The following GPR132 variants were observed in gnomAD, a reference collection of about 807,000 sequenced individuals.
The protein encoded by GPR132 is probable G protein-coupled receptor 132.
A neutral mutation model predicts 1.9 loss-of-function variants in GPR132; 4 were observed. The ratio of observed to expected loss-of-function variants is 2.13; its 90% CI spans 1.05 to 4.87. The LOEUF is 4.87. Among genes scored for constraint, GPR132 ranks in the 30% most tolerant of loss-of-function variants. GPR132 has a pLI of 0.01. For missense variants in GPR132, 404 were observed against 512.5 expected, an observed-to-expected ratio of 0.79 and a Z score of 2.04; for synonymous variants, 233 against 234.2, an observed-to-expected ratio of 0.99 and a Z score of 0.05.
chr14:105,057,507 G>C, intron 1 of GPR132: 2 of 181,830 alleles, frequency 1.1e-5, no homozygotes, highest in South Asian at 1.5e-4. Context: ...GACTACATAC[G>C]ATTCTTTTTT....
At position 105,060,981 on chromosome 14, in the gene GPR132, A is replaced by C. The variant is rs1886927068; in HGVS notation, c.-860-3701T>G. Reference sequence around the variant, plus strand: ...ACTAGCCAGGGGCAGAGCCGGAGCCACCTTCCCATCCAGCTGGTCCCATGC... The same window carrying C: ...ACTAGCCAGGGGCAGAGCCGGAGCCCCCTTCCCATCCAGCTGGTCCCATGC... On this transcript the variant is annotated intron_variant, in intron 1 of 3. Transcript: ENST00000329797. The surrounding 1 kb of genome is among the most constrained non-coding windows in gnomAD (Gnocchi z 6.3). Among the ~76,000 whole-genome samples, 1 of 152,242 alleles carries C rather than the reference A, an allele frequency of 6.6e-6. No individual in the cohort carries two copies. The highest frequency in any genetic ancestry group is 2.4e-5 in the African/African-American group (1 of 41,468).
intron 1 of GPR132, among the ~76,000 whole-genome samples, chr14:105,064,572 G>C (rs977703490): frequency 6.6e-6 from 1 of 152,078 alleles, no homozygotes; most frequent in African/African-American, 2.4e-5. Context: ...GACCTCAAGT[G>C]ATCCGCCCAC....
chr14:105,060,859 G>T lies in GPR132; in HGVS notation c.-860-3579C>A, dbSNP rs1173824872. Reference sequence around the variant, plus strand: ...TGCAAAACCAAAGGAAGTGGCAGCTGCAGTGGAAATGCACGCTCCCCTCCC... The same window carrying T: ...TGCAAAACCAAAGGAAGTGGCAGCTTCAGTGGAAATGCACGCTCCCCTCCC... On this transcript the variant is annotated intron_variant, in intron 1 of 3. Transcript: ENST00000329797. The surrounding 1 kb of genome is among the most constrained non-coding windows in gnomAD (Gnocchi z 6.3). Among the ~76,000 whole-genome samples, 1 of 152,246 alleles carries T rather than the reference G, an allele frequency of 6.6e-6. No homozygotes were observed. Among genetic ancestry groups the T allele is most frequent in the Admixed American group, 6.5e-5 (1 of 15,290 alleles).
chr14:105,051,099 C>A lies in GPR132; in HGVS notation c.1038G>T (p.Glu346Asp), dbSNP rs1274044926. The change falls in exon 4 of 4, where the codon GAG (glutamate) becomes GAT (aspartate). Residue 346 changes from glutamate (E) to aspartate (D), a missense_variant. By Grantham distance (45) the Glu-to-Asp change is conservative (BLOSUM62 2). Transcript: ENST00000329797. This position sits in a 1 kb window ranked among gnomAD's most constrained non-coding sequence, Gnocchi z 8.0. Reference sequence around the variant, plus strand: ...CTGCAAGGGCCACGGGCGACTGCAGCTCCTCGGTGTCCCTGCTGTGGGTGA... The same window carrying A: ...CTGCAAGGGCCACGGGCGACTGCAGATCCTCGGTGTCCCTGCTGTGGGTGA... ...TRLTHSRDTE[E>D]LQSPVALADH... is the part of the protein sequence containing the mutation. 2 of 1,614,062 alleles carry A rather than the reference C, an allele frequency of 1.2e-6. No individual in the cohort carries two copies. The highest frequency in any genetic ancestry group is 4.5e-5 in the East Asian group (2 of 44,902).
chr14:105,063,094 T>A (rs1886992054), intron 1 of GPR132, among the ~76,000 whole-genome samples: 1 of 152,150 alleles, frequency 6.6e-6, no homozygotes, highest in African/African-American at 2.4e-5. Context: ...ATTTTTGTAC[T>A]TTTATTCTTA....
At chr14:105,053,895 C>T in intron 3 of GPR132, 1 of 1,114,024 alleles carries the variant, frequency 9.0e-7, no homozygotes, top group Non-Finnish European at 1.1e-6. Flanking sequence ...TGGGAGAGGG[C>T]AAAAGAAAAG....
In GPR132 at chr14:105,051,351, G is replaced by A. The variant is rs1306346135; in HGVS notation, c.786C>T (p.Leu262=). 5.6e-6 allele frequency: 9 copies of A among 1,613,940 alleles called. No individual in the cohort carries two copies. In the African/African-American group the frequency reaches 9.3e-5, roughly 17 times the overall value. The change falls in exon 4 of 4, where the codon CTC becomes CTT. Residue 262 remains leucine, a synonymous_variant. Coordinates refer to ENST00000329797, the MANE Select transcript of GPR132 (RefSeq NM_013345.4). The surrounding 1 kb of genome is among the most constrained non-coding windows in gnomAD (Gnocchi z 8.0). ...AGGAAAAGGCAGCGGCTTTGACGAG[G>A]AGAACCAGGTGGTACGGGGCGAAGC... ...LVCFAPYHLV[L]LVKAAAFSYY...
intron 1 of GPR132, among the ~76,000 whole-genome samples, chr14:105,062,540 C>CTTTTTTTTTTTTTTTTT (rs59869492): frequency 2.3e-5 from 3 of 128,684 alleles, no homozygotes; most frequent in Non-Finnish European, 3.3e-5. Flanking sequence ...CTTTTCTTTT[C>CTTTTTTTTTTTTTTTTT]TTTTTTTTTT....
intron 3 of GPR132, chr14:105,053,798 G>T: frequency 2.7e-6 from 1 of 374,256 alleles, no homozygotes; most frequent in Non-Finnish European, 3.8e-6. Context: ...CAAGTTGAAT[G>T]AAGGTTGCTA....
At position 105,050,649 on chromosome 14, in the gene GPR132, G is replaced by C. The variant is rs2140925443; in HGVS notation, c.*345C>G. 1 of 358,450 alleles carries C rather than the reference G, an allele frequency of 2.8e-6. No homozygotes were observed. The highest frequency in any genetic ancestry group is 5.2e-5 in the East Asian group (1 of 19,392). 22.2% of individuals were successfully genotyped at this position (358,450 alleles called of 1,614,324 possible). A position where few individuals can be genotyped will look rare whatever the true frequency, so the allele number is the denominator to read the frequency against. On this transcript the variant is annotated 3_prime_UTR_variant, in exon 4 of 4. Transcript: ENST00000329797. The surrounding 1 kb of genome is among the most constrained non-coding windows in gnomAD (Gnocchi z 4.0). ...CGCAAATAAAGTCATCGCCACTGAT[G>C]CGAACAGGGCAGCCACCAGGTACCT...
At chr14:105,062,583 C>T (rs1886976016) in intron 1 of GPR132, among the ~76,000 whole-genome samples, 1 of 145,076 alleles carries the variant, frequency 6.9e-6, no homozygotes, top group Non-Finnish European at 1.5e-5. Context: ...CTCTGTTGCC[C>T]AGGCTGGAGT....
chr14:105,059,442 G>T lies in GPR132; in HGVS notation c.-860-2162C>A, dbSNP rs1886884095. Among the ~76,000 whole-genome samples, 2 of 152,174 alleles carry T rather than the reference G, an allele frequency of 1.3e-5. No homozygotes were observed. The highest frequency in any genetic ancestry group is 2.9e-5 in the Non-Finnish European group (2 of 68,032). ...CTTGGGCCCCTTCAAGCTGGGAACT[G>T]CTCAGCGCCGATCTGCCTGGCGTTC... On this transcript the variant is annotated intron_variant, in intron 1 of 3. Coordinates refer to ENST00000329797, the MANE Select transcript of GPR132 (RefSeq NM_013345.4). This position sits in a 1 kb window ranked among gnomAD's most constrained non-coding sequence, Gnocchi z 4.2.
chr14:105,051,617 G>C lies in GPR132; in HGVS notation c.520C>G (p.His174Asp). 1 of 1,614,032 alleles carries C rather than the reference G, an allele frequency of 6.2e-7. No individual in the cohort carries two copies. The highest frequency in any genetic ancestry group is 1.1e-5 in the South Asian group (1 of 91,088). The change falls in exon 4 of 4, where the codon CAC becomes GAC. Residue 174 changes from histidine (H) to aspartate (D), a missense_variant. Coordinates refer to ENST00000329797, the MANE Select transcript of GPR132 (RefSeq NM_013345.4). This position sits in a 1 kb window ranked among gnomAD's most constrained non-coding sequence, Gnocchi z 8.0. ...ACIFILVGIV[H>D]YPVFQTEDKE... ...TCTTCCGTCTGGAACACCGGGTAGT[G>C]AACGATCCCGACGAGGATGAAGATG... is the stretch of plus-strand genomic sequence containing the variant.
intron 1 of GPR132, among the ~76,000 whole-genome samples, chr14:105,063,870 G>A (rs1429807062): frequency 1.4e-5 from 2 of 146,518 alleles, no homozygotes; most frequent in African/African-American, 5.0e-5. Flanking sequence ...ACAGAGTTTC[G>A]CTCTCGTTGC....
At chr14:105,063,970 A>C (rs998726324) in intron 1 of GPR132, among the ~76,000 whole-genome samples, 10 of 149,790 alleles carry the variant, frequency 6.7e-5, no homozygotes, top group African/African-American at 2.5e-4. Flanking sequence ...CTCCCAAGTA[A>C]ATGGGATTAC....
At position 105,050,944 on chromosome 14, in the gene GPR132, T is replaced by C. The variant is rs371284251; in HGVS notation, c.*50A>G. ...GTGGGCTCAGTGCACAGGAACCACATTGCTGGCCCCAGGACCCCCAACCTG... is the reference window on the plus strand; with the variant it reads ...GTGGGCTCAGTGCACAGGAACCACACTGCTGGCCCCAGGACCCCCAACCTG... On this transcript the variant is annotated 3_prime_UTR_variant, in exon 4 of 4. Transcript: ENST00000329797. The surrounding 1 kb of genome is among the most constrained non-coding windows in gnomAD (Gnocchi z 4.0). 3.2e-6 allele frequency: 5 copies of C among 1,558,848 alleles called. No individual in the cohort carries two copies. Among genetic ancestry groups the C allele is most frequent in the Non-Finnish European group, 3.5e-6 (4 of 1,138,448 alleles).
At position 105,060,349 on chromosome 14, in the gene GPR132, AG is replaced by A. The variant is rs1219874943; in HGVS notation, c.-860-3070del. The stretch of plus-strand genomic sequence containing the variant: ...AAGGAAGGCAGACCCCCAGCCAGGC[AG>A]GGGGCCCAAGTGGGCTGGGGGCATG... On this transcript the variant is annotated intron_variant, in intron 1 of 3. Coordinates refer to ENST00000329797, the MANE Select transcript of GPR132 (RefSeq NM_013345.4). This position sits in a 1 kb window ranked among gnomAD's most constrained non-coding sequence, Gnocchi z 6.3. Among the ~76,000 whole-genome samples the A allele has an allele frequency of 6.6e-6, 1 of 152,156 alleles. No individual in the cohort carries two copies. The highest frequency in any genetic ancestry group is 1.5e-5 in the Non-Finnish European group (1 of 68,010).
At position 105,059,938 on chromosome 14, in the gene GPR132, A is replaced by G. The variant is rs1454702349; in HGVS notation, c.-860-2658T>C. 2.0e-5 allele frequency among the ~76,000 whole-genome samples: 3 copies of G among 152,264 alleles called. No individual in the cohort carries two copies. In the East Asian group the frequency reaches 5.8e-4, roughly 29 times the overall value. On this transcript the variant is annotated intron_variant, in intron 1 of 3. Transcript: ENST00000329797. The surrounding 1 kb of genome is among the most constrained non-coding windows in gnomAD (Gnocchi z 4.2). ...TTGAAAACACATGAAAAAGTGAGAC[A>G]CTGAGTCAAGAAAGAAACAAGAAAA...
At position 105,052,247 on chromosome 14, in the gene GPR132, A is replaced by G. The variant is rs937395567; in HGVS notation, c.35-145T>C. On this transcript the variant is annotated intron_variant, in intron 3 of 3. Transcript: ENST00000329797. ...TAAAACATTTCCAAATTGATTTTTTAGAGCAATTATTAGATAGTGGATCTC... is the reference window on the plus strand; with the variant it reads ...TAAAACATTTCCAAATTGATTTTTTGGAGCAATTATTAGATAGTGGATCTC... 4 of 611,818 alleles carry G rather than the reference A, an allele frequency of 6.5e-6. No individual in the cohort carries two copies. In the Admixed American group the frequency reaches 1.4e-4, roughly 21 times the overall value. The allele number at this position is 611,818 out of a possible 1,614,324, so 37.9% of individuals were successfully genotyped here.
Sources: allele counts gnomAD v4.1 joint callset (sites outside exome capture counted in the v4.1 genomes callset), GRCh38; gene constraint gnomAD v4.1.1; non-coding constraint Gnocchi (gnomAD v3.1); transcripts MANE v1.5; gene names NCBI Gene and HGNC (gene_info 2026-07-23, HGNC 2026-07-21).